PBRM1: variants seen among roughly 807,000 people sequenced by gnomAD.
PBRM1 encodes protein polybromo-1.
Under a neutral mutation model 194.5 loss-of-function variants are expected in PBRM1, and 27 were observed. The observed-to-expected ratio is 0.14, with a 90% CI of 0.10 to 0.19. PBRM1 has a LOEUF of 0.19. Ranked by LOEUF, PBRM1 falls within the 10% of genes least tolerant of loss-of-function variation. The probability of loss-of-function intolerance (pLI) is 1.00; values close to 1 mark genes in which losing one functional copy is unlikely to be tolerated. For missense variants in PBRM1, 1,466 were observed against 2,077.2 expected, an observed-to-expected ratio of 0.71 and a Z score of 5.72; for synonymous variants, 655 against 693.2, an observed-to-expected ratio of 0.94 and a Z score of 0.87.
At position 52,621,926 on chromosome 3, in the gene PBRM1, A is replaced by T. The variant is rs560856455; in HGVS notation, c.1542-4388T>A. On this transcript the variant is annotated intron_variant, in intron 13 of 29. Coordinates refer to ENST00000296302, the Ensembl canonical transcript of PBRM1. ...TCAGGCATGGTGGCACATGCCTGTGATCCTAGCTACACATGAGGCTGAGGT... is the reference window on the plus strand; with the variant it reads ...TCAGGCATGGTGGCACATGCCTGTGTTCCTAGCTACACATGAGGCTGAGGT... 2.6e-5 allele frequency among the ~76,000 whole-genome samples: 4 copies of T among 152,152 alleles called. No individual in the cohort carries two copies. In the South Asian group the frequency reaches 8.3e-4, roughly 32 times the overall value.
chr3:52,615,245 C>T lies in PBRM1; in HGVS notation c.1924+106G>A, dbSNP rs1434479777. 6.1e-6 allele frequency: 4 copies of T among 654,406 alleles called. No homozygotes were observed. The Admixed American group carries it at 9.8e-5, about 16-fold the overall frequency. The allele number at this position is 654,406 out of a possible 1,614,324, so 40.5% of individuals were successfully genotyped here. A position where few individuals can be genotyped will look rare whatever the true frequency, so the allele number is the denominator to read the frequency against. ...GAACAAAGAACTCCATGCTGGAGTACAGTGAGTTCAAATATATTCATAATT... is the reference window on the plus strand; with the variant it reads ...GAACAAAGAACTCCATGCTGGAGTATAGTGAGTTCAAATATATTCATAATT... On this transcript the variant is annotated intron_variant, in intron 15 of 29. Coordinates refer to ENST00000296302, the Ensembl canonical transcript of PBRM1.
intron 24 of PBRM1, 24 bp downstream of exon 26, chr3:52,563,255 ATAAG>A: frequency 6.4e-7 from 1 of 1,574,604 alleles, no homozygotes; most frequent in Non-Finnish European, 8.7e-7. Context: ...TGGTAATAAG[ATAAG>A]TAACAGGAAC....
At chr3:52,646,639 A>G (rs1290982518) in intron 7 of PBRM1, among the ~76,000 whole-genome samples, 3 of 152,138 alleles carry the variant, frequency 2.0e-5, no homozygotes, top group African/African-American at 7.2e-5. Flanking sequence ...AAGACAATTC[A>G]AGACAATTCA....
At chr3:52,582,102 C>G (rs1029500291) in intron 20 of PBRM1, among the ~76,000 whole-genome samples, 6 of 151,444 alleles carry the variant, frequency 4.0e-5, no homozygotes, top group Admixed American at 3.9e-4. Context: ...AATAGCCGGG[C>G]ATGGTGGCAC....
intron 21 of PBRM1, among the ~76,000 whole-genome samples, chr3:52,578,261 C>T (rs1419789237): frequency 5.9e-5 from 9 of 152,184 alleles, no homozygotes; most frequent in Admixed American, 5.9e-4. Context: ...ATACTATACA[C>T]TTTACTTATT....
intron 3 of PBRM1, among the ~76,000 whole-genome samples, chr3:52,662,854 C>CA (rs145256776): frequency 2.7e-5 from 4 of 149,604 alleles, no homozygotes; most frequent in Non-Finnish European, 5.9e-5. Flanking sequence ...CCAAAAAACC[C>CA]AAAAAAACTA....
intron 16 of PBRM1, among the ~76,000 whole-genome samples, 191 bp from the exon 19 acceptor site, chr3:52,603,923 C>T (rs897143071): frequency 6.6e-6 from 1 of 152,170 alleles, no homozygotes; most frequent in Non-Finnish European, 1.5e-5. Context: ...AAGCCCCATG[C>T]CCACCATTTT....
At chr3:52,592,126 T>TG (rs2093142848) in intron 17 of PBRM1, among the ~76,000 whole-genome samples, 1 of 148,194 alleles carries the variant, frequency 6.7e-6, no homozygotes, top group Non-Finnish European at 1.5e-5. Context: ...CACCAGGTTT[T>TG]TTTTTTTTTT....
intron 27 of PBRM1, among the ~76,000 whole-genome samples, chr3:52,553,683 A>G (rs2081540394): frequency 2.2e-5 from 2 of 91,644 alleles, no homozygotes; most frequent in South Asian, 5.5e-4. Context: ...TTTTTTTTTG[A>G]CACGGAGTCT....
chr3:52,547,338 T>G, downstream of PBRM1: 1 of 233,110 alleles, frequency 4.3e-6, no homozygotes, highest in Non-Finnish European at 8.5e-6. Context: ...CTCAGCACAA[T>G]TGAAAAAGTG....
chr3:52,659,451 C>T (rs1385720307), intron 4 of PBRM1, among the ~76,000 whole-genome samples: 3 of 151,764 alleles, frequency 2.0e-5, no homozygotes, highest in Non-Finnish European at 4.4e-5. Context: ...TTTTTCCTCC[C>T]CACTCTGTTG....
chr3:52,575,593 A>AGCCTCT (rs141752554), intron 22 of PBRM1, among the ~76,000 whole-genome samples: 105 of 140,882 alleles, frequency 7.5e-4, no homozygotes, highest in South Asian at 2.0e-3. Context: ...GGCTCACTGC[A>AGCCTCT]GCCTCTGCCT....
chr3:52,610,541 G>T (rs1369983543), intron 15 of PBRM1, among the ~76,000 whole-genome samples: 3 of 152,196 alleles, frequency 2.0e-5, no homozygotes, highest in Non-Finnish European at 2.9e-5. Context: ...CATGAAAAAG[G>T]TAGGGCTCCT....
At chr3:52,563,482 A>C (rs2084208597) in exon 24 of PBRM1, 1 of 1,613,614 alleles carries the variant, frequency 6.2e-7, no homozygotes, top group Non-Finnish European at 8.5e-7. Context: ...CTTCTGAGGA[A>C]CAATTGGTTT....
At chr3:52,633,726 C>G (rs921067272) in intron 11 of PBRM1, among the ~76,000 whole-genome samples, 1 of 152,150 alleles carries the variant, frequency 6.6e-6, no homozygotes. Flanking sequence ...TGGTATCACA[C>G]AAAAGTTCTG....
intron 2 of PBRM1, among the ~76,000 whole-genome samples, chr3:52,671,839 A>C (rs760786469): frequency 4.6e-5 from 7 of 152,192 alleles, no homozygotes; most frequent in Non-Finnish European, 7.3e-5. Context: ...ATGACACTGC[A>C]TTCTCAGTGG....
chr3:52,647,560 A>C (rs1323490515), intron 7 of PBRM1, among the ~76,000 whole-genome samples: 1 of 150,276 alleles, frequency 6.7e-6, no homozygotes, highest in Non-Finnish European at 1.5e-5. Flanking sequence ...AATAGCCAAT[A>C]AGTAGAAACT....
chr3:52,650,160 C>T lies in PBRM1; in HGVS notation c.714+1582G>A, dbSNP rs185104711. The stretch of plus-strand genomic sequence containing the variant: ...GGTGGATCACTTGAAGTCAGGAGTT[C>T]GAGATCAGCCTGGCCAACATGGTGA... On this transcript the variant is annotated intron_variant, in intron 6 of 29. Coordinates refer to ENST00000296302, the Ensembl canonical transcript of PBRM1. 7.8e-4 allele frequency among the ~76,000 whole-genome samples: 119 copies of T among 151,924 alleles called. 2 individuals are homozygous for T. In the East Asian group the frequency reaches 0.019, roughly 25 times the overall value.
At chr3:52,614,400 C>CA (rs1482035931) in intron 15 of PBRM1, among the ~76,000 whole-genome samples, 3 of 98,038 alleles carry the variant, frequency 3.1e-5, no homozygotes, top group Admixed American at 1.1e-4. Flanking sequence ...AAAAAAAAAG[C>CA]AAAAAAGCTA....
Sources: gnomAD v4.1 joint callset for allele counts (sites outside exome capture counted in the v4.1 genomes callset) on GRCh38, gnomAD v4.1.1 for gene constraint, MANE v1.5 for transcripts, NCBI Gene and HGNC (gene_info 2026-07-23, HGNC 2026-07-21) for gene names.